Variants in SYN3 observed in about 807,000 individuals in gnomAD.
SYN3 encodes the protein synapsin III.
SYN3 carries 35 observed loss-of-function variants against 65.8 expected under a neutral mutation model. The ratio of observed to expected loss-of-function variants is 0.53; its 90% CI spans 0.41 to 0.70. The LOEUF is 0.70. Among genes scored for constraint, SYN3 ranks in the 30% least tolerant of loss-of-function variants. SYN3 has a pLI of 0.00. For missense variants in SYN3, 680 were observed against 749.0 expected, an observed-to-expected ratio of 0.91 and a Z score of 1.08; for synonymous variants, 270 against 292.9, an observed-to-expected ratio of 0.92 and a Z score of 0.80.
intron 6 of SYN3, among the ~76,000 whole-genome samples, chr22:32,687,601 C>T (rs1332572199): frequency 6.6e-6 from 1 of 152,168 alleles, no homozygotes; most frequent in East Asian, 1.9e-4. Context: ...TGTCATTCTT[C>T]TGCTTAAAAC....
chr22:32,572,193 G>T (rs1400250222), intron 7 of SYN3, among the ~76,000 whole-genome samples: 2 of 114,976 alleles, frequency 1.7e-5, no homozygotes, highest in Non-Finnish European at 3.7e-5. Flanking sequence ...GTTTGGGAGA[G>T]CTTGGCTTAA....
chr22:32,963,010 C>T (rs1396693176), intron 3 of SYN3, among the ~76,000 whole-genome samples: 1 of 149,682 alleles, frequency 6.7e-6, no homozygotes, highest in Non-Finnish European at 1.5e-5. Context: ...TGTATATATA[C>T]ATTTATATAG....
At chr22:32,670,164 G>A (rs1157949366) in intron 6 of SYN3, among the ~76,000 whole-genome samples, 2 of 152,130 alleles carry the variant, frequency 1.3e-5, no homozygotes, top group African/African-American at 4.8e-5. Flanking sequence ...TTTCAGGATT[G>A]GTAATGAGAT....
Position 32,518,127 on chromosome 22 carries a change from T to TTGGA in SYN3, c.1525_1526insTCCA (p.Gln509LeufsTer11). On this transcript the variant is annotated frameshift_variant, in exon 13 of 14. Coordinates refer to ENST00000358763, the MANE Select transcript of SYN3 (RefSeq NM_003490.4). LOFTEE classifies it high-confidence loss of function. The stretch of plus-strand genomic sequence containing the variant: ...ACGGCCCTGCACAGGGGGCCGGGGC[T>TTGGA]GTGAGGCGAGGGTGGCACCTGGCTT... The TTGGA allele has an allele frequency of 6.2e-7, 1 of 1,604,680 alleles. No homozygotes were observed. The highest frequency in any genetic ancestry group is 1.3e-5 in the African/African-American group (1 of 74,862).
chr22:32,876,327 G>A (rs571382267), intron 4 of SYN3, among the ~76,000 whole-genome samples: 3 of 152,080 alleles, frequency 2.0e-5, no homozygotes, highest in Admixed American at 6.6e-5. Context: ...CGCATTGGGC[G>A]TTAGGATTCA....
intron 1 of SYN3, among the ~76,000 whole-genome samples, chr22:33,049,292 C>A (rs1453405240): frequency 2.6e-5 from 4 of 152,160 alleles, no homozygotes; most frequent in African/African-American, 4.8e-5. Flanking sequence ...TCAATGATGA[C>A]AGGGCCTTGG....
chr22:32,968,211 A>C (rs2051906664), intron 3 of SYN3, among the ~76,000 whole-genome samples: 1 of 152,224 alleles, frequency 6.6e-6, no homozygotes, highest in African/African-American at 2.4e-5. Flanking sequence ...TACAGGTATG[A>C]GAATGGCTCA....
intron 6 of SYN3, among the ~76,000 whole-genome samples, chr22:32,785,441 C>A (rs140263324): frequency 6.6e-6 from 1 of 152,280 alleles, no homozygotes; most frequent in Non-Finnish European, 1.5e-5. Flanking sequence ...CCTCAGTCTC[C>A]TTCTCTGTAA....
chr22:33,050,851 A>G (rs1422996738), intron 1 of SYN3, among the ~76,000 whole-genome samples: 2 of 152,238 alleles, frequency 1.3e-5, no homozygotes, highest in African/African-American at 4.8e-5. Context: ...ACATCTGCAG[A>G]GTGGGGTTAA....
At chr22:32,838,077 C>T (rs2047786207) in intron 6 of SYN3, among the ~76,000 whole-genome samples, 1 of 152,190 alleles carries the variant, frequency 6.6e-6, no homozygotes, top group Non-Finnish European at 1.5e-5. Flanking sequence ...GACTATAACT[C>T]CCTGTCTTCT....
chr22:32,634,027 G>A (rs755739955), intron 6 of SYN3, among the ~76,000 whole-genome samples: 1 of 152,132 alleles, frequency 6.6e-6, no homozygotes, highest in Admixed American at 6.5e-5. Context: ...CTGGGACAGA[G>A]GGCTCTTGGA....
At chr22:32,569,563 C>CTGTATA (rs373627613) in intron 7 of SYN3, among the ~76,000 whole-genome samples, 14 of 52,880 alleles carry the variant, frequency 2.6e-4, no homozygotes, top group Admixed American at 9.7e-4. Context: ...CTCTCTCTCT[C>CTGTATA]TCTCTCTCTA....
Position 32,801,378 on chromosome 22 carries a change from C to T in SYN3, c.711+63537G>A, listed in dbSNP as rs1406741019. ...TGGTTCTGGTTTGGGTCAGAGACAC[C>T]CAGTGGCCCAGGTGGGCGTGGGGCC... is the stretch of plus-strand genomic sequence containing the variant. On this transcript the variant is annotated intron_variant, in intron 6 of 13. Transcript: ENST00000358763. This position sits in a 1 kb window ranked among gnomAD's most constrained non-coding sequence, Gnocchi z 4.7. 6.6e-6 allele frequency among the ~76,000 whole-genome samples: 1 copy of T among 152,192 alleles called. No individual in the cohort carries two copies. The highest frequency in any genetic ancestry group is 2.4e-5 in the African/African-American group (1 of 41,442).
intron 4 of SYN3, among the ~76,000 whole-genome samples, chr22:32,886,140 T>C (rs1450661415): frequency 1.3e-5 from 2 of 152,206 alleles, no homozygotes; most frequent in Admixed American, 6.5e-5. Flanking sequence ...AAGAACAATA[T>C]TGCTAAGTGT....
In SYN3 at chr22:32,954,606, T is replaced by C. The variant is rs561390249; in HGVS notation, c.370-23125A>G. Among the ~76,000 whole-genome samples, 27 of 152,316 alleles carry C rather than the reference T, an allele frequency of 1.8e-4. No homozygotes were observed. The East Asian group carries it at 5.2e-3, about 29-fold the overall frequency. ...CCTCTGGCTCTCCTGATGGATGGGT[T>C]CTGGGTGCATTAAGATCAAGATGTG... On this transcript the variant is annotated intron_variant, in intron 3 of 13. Coordinates refer to ENST00000358763, the MANE Select transcript of SYN3 (RefSeq NM_003490.4).
chr22:32,614,264 G>A (rs1223552617), intron 6 of SYN3, among the ~76,000 whole-genome samples: 2 of 152,208 alleles, frequency 1.3e-5, no homozygotes, highest in African/African-American at 4.8e-5. Flanking sequence ...GGCTGGCAGG[G>A]GTTTAATGGG....
chr22:33,021,036 A>AT (rs898796027), intron 1 of SYN3, among the ~76,000 whole-genome samples: 44 of 151,572 alleles, frequency 2.9e-4, no homozygotes, highest in Middle Eastern at 3.4e-3. Flanking sequence ...TATTATTCCG[A>AT]TTTTTTTTTA....
chr22:32,710,685 CCT>C (rs1491268570), intron 6 of SYN3, among the ~76,000 whole-genome samples: 1 of 146,896 alleles, frequency 6.8e-6, no homozygotes, highest in Non-Finnish European at 1.5e-5. Flanking sequence ...AGCACTTCCT[CCT>C]CTCTCTTCCT....
At chr22:32,809,742 A>G (rs1569241649) in intron 6 of SYN3, among the ~76,000 whole-genome samples, 2 of 152,252 alleles carry the variant, frequency 1.3e-5, no homozygotes, top group Non-Finnish European at 1.5e-5. Flanking sequence ...TGGTGTTTTC[A>G]TAAGCCTGGG....
Sources: gnomAD v4.1 joint callset for allele counts (sites outside exome capture counted in the v4.1 genomes callset) on GRCh38, gnomAD v4.1.1 for gene constraint, Gnocchi (gnomAD v3.1) non-coding constraint, MANE v1.5 for transcripts, NCBI Gene and HGNC (gene_info 2026-07-23, HGNC 2026-07-21) for gene names.